PPFIBP1: variants seen among roughly 807,000 people sequenced by gnomAD.
PPFIBP1 encodes liprin-beta-1.
A neutral mutation model predicts 137.8 loss-of-function variants in PPFIBP1; 112 were observed. The ratio of observed to expected loss-of-function variants is 0.81; its 90% CI spans 0.70 to 0.95. The LOEUF (loss-of-function observed/expected upper bound fraction) is 0.95, where lower values mean the gene tolerates loss of function less well. PPFIBP1 is among the 40% of genes least tolerant of loss of function. PPFIBP1 has a pLI of 0.00. For missense variants in PPFIBP1, 1,083 were observed against 1,196.6 expected, an observed-to-expected ratio of 0.91 and a Z score of 1.40; for synonymous variants, 378 against 417.3, an observed-to-expected ratio of 0.91 and a Z score of 1.15.
chr12:27,664,727 G>A (rs1204455903), intron 12 of PPFIBP1, among the ~76,000 whole-genome samples: 1 of 152,164 alleles, frequency 6.6e-6, no homozygotes, highest in Non-Finnish European at 1.5e-5. Flanking sequence ...AGCCTAGGGG[G>A]AAAAGAATAT....
chr12:27,626,052 G>T (rs908957286), intron 2 of PPFIBP1, among the ~76,000 whole-genome samples: 1 of 151,990 alleles, frequency 6.6e-6, no homozygotes, highest in Admixed American at 6.6e-5. Flanking sequence ...TTCTGGTTTC[G>T]CCACCTCCCC....
At position 27,671,531 on chromosome 12, in the gene PPFIBP1, C is replaced by A; in HGVS notation, c.1247C>A (p.Thr416Asn). 2 of 1,573,898 alleles carry A rather than the reference C, an allele frequency of 1.3e-6. No individual in the cohort carries two copies. The highest frequency in any genetic ancestry group is 8.6e-7 in the Non-Finnish European group (1 of 1,159,686). The change falls in exon 14 of 30, where the codon ACT (threonine) becomes AAT (asparagine). Residue 416 changes from threonine (T) to asparagine (N), a missense_variant. By Grantham distance (65) the Thr-to-Asn change is moderately conservative. Coordinates refer to ENST00000228425, the MANE Select transcript of PPFIBP1 (RefSeq NM_003622.4). Reference sequence around the variant, plus strand: ...TCAAAGTTGACTCCTAAGCCAGAGACTTCATTTGAAGAAAAGTATGTCATT... The same window carrying A: ...TCAAAGTTGACTCCTAAGCCAGAGAATTCATTTGAAGAAAAGTATGTCATT... ...EKSKLTPKPE[T>N]SFEENDGNII...
intron 1 of PPFIBP1, among the ~76,000 whole-genome samples, chr12:27,573,063 G>A (rs2050269580): frequency 6.6e-6 from 1 of 152,160 alleles, no homozygotes; most frequent in Admixed American, 6.6e-5. Context: ...TGGGCTCCAT[G>A]TAACTAACAC....
chr12:27,607,804 T>C (rs975614892), intron 2 of PPFIBP1, among the ~76,000 whole-genome samples: 28 of 151,912 alleles, frequency 1.8e-4, no homozygotes, highest in African/African-American at 5.6e-4. Context: ...TCCTCCCCGC[T>C]TTTTTTTCCT....
At chr12:27,674,363 A>G (rs991252550) in intron 17 of PPFIBP1, 142 bp downstream of exon 17, 3 of 570,916 alleles carry the variant, frequency 5.3e-6, no homozygotes, top group Middle Eastern at 3.6e-4. Context: ...TTCACATATT[A>G]TATGATTCCG....
intron 1 of PPFIBP1, among the ~76,000 whole-genome samples, chr12:27,536,942 C>T (rs1945087558): frequency 6.6e-6 from 1 of 152,120 alleles, no homozygotes; most frequent in Non-Finnish European, 1.5e-5. Context: ...TTAAAGTTTG[C>T]AATGTAACAG....
rs2049939572 is a variant in PPFIBP1, at chr12:27,569,232, A to G, written c.-123-8920A>G. Among the ~76,000 whole-genome samples the G allele has an allele frequency of 1.3e-5, 2 of 152,220 alleles. 1 individual carries two copies. Among genetic ancestry groups the G allele is most frequent in the Non-Finnish European group, 2.9e-5 (2 of 68,044 alleles). ...GGCTCTGAACCTTTTTCATCAGGGTACTGCTGTCATCAAACTTGTGAGCAT... is the reference window on the plus strand; with the variant it reads ...GGCTCTGAACCTTTTTCATCAGGGTGCTGCTGTCATCAAACTTGTGAGCAT... On this transcript the variant is annotated intron_variant, in intron 1 of 29. Transcript: ENST00000228425.
chr12:27,597,634 G>A (rs1421356243), intron 2 of PPFIBP1, among the ~76,000 whole-genome samples: 4 of 152,056 alleles, frequency 2.6e-5, no homozygotes, highest in Non-Finnish European at 5.9e-5. Context: ...GAGAAACTAT[G>A]TTTTGTCATT....
chr12:27,544,982 C>A (rs529968674), intron 1 of PPFIBP1, among the ~76,000 whole-genome samples: 1 of 152,288 alleles, frequency 6.6e-6, no homozygotes, highest in East Asian at 1.9e-4. Context: ...TTGGAACCAA[C>A]CCAAATGCCC....
chr12:27,660,572 T>C (rs1040086383), intron 10 of PPFIBP1, among the ~76,000 whole-genome samples: 1 of 152,256 alleles, frequency 6.6e-6, no homozygotes, highest in Non-Finnish European at 1.5e-5. Flanking sequence ...ATGTTTTTAT[T>C]ACTATAGCAC....
intron 1 of PPFIBP1, among the ~76,000 whole-genome samples, chr12:27,552,003 C>A (rs1733829187): frequency 6.6e-6 from 1 of 152,118 alleles, no homozygotes; most frequent in Admixed American, 6.5e-5. Flanking sequence ...AACATCTGAC[C>A]CCTAGTTTCC....
chr12:27,656,969 C>G (rs2059239949), intron 9 of PPFIBP1: 2 of 356,058 alleles, frequency 5.6e-6, no homozygotes, highest in Non-Finnish European at 1.0e-5. Context: ...TTTAAGATTG[C>G]TAGACTGTAA....
At chr12:27,550,291 G>T (rs1946632643) in intron 1 of PPFIBP1, among the ~76,000 whole-genome samples, 1 of 152,172 alleles carries the variant, frequency 6.6e-6, no homozygotes, top group African/African-American at 2.4e-5. Flanking sequence ...CCCATACATT[G>T]TCCCTATGGA....
intron 5 of PPFIBP1, 83 bp from the exon 6 acceptor site, chr12:27,647,646 T>TC: frequency 2.4e-6 from 2 of 842,244 alleles, no homozygotes. Flanking sequence ...ATCATTCCTT[T>TC]TTTTGTTCCA....
intron 9 of PPFIBP1, among the ~76,000 whole-genome samples, chr12:27,658,192 A>C (rs1456303525): frequency 6.6e-6 from 1 of 151,914 alleles, no homozygotes; most frequent in Non-Finnish European, 1.5e-5. Context: ...GTGGGCTAGA[A>C]GATATTAGAG....
chr12:27,573,705 G>A (rs560242769), intron 1 of PPFIBP1, among the ~76,000 whole-genome samples: 8 of 152,302 alleles, frequency 5.3e-5, no homozygotes, highest in Admixed American at 3.9e-4. Context: ...AAAAGCCGGC[G>A]GGTGCAGTGG....
intron 2 of PPFIBP1, among the ~76,000 whole-genome samples, chr12:27,585,622 G>T (rs773052753): frequency 1.3e-5 from 2 of 152,216 alleles, no homozygotes; most frequent in Non-Finnish European, 2.9e-5. Flanking sequence ...GGGAGGGAAA[G>T]ACATAAGTGC....
At chr12:27,553,919 G>T (rs1227561548) in intron 1 of PPFIBP1, among the ~76,000 whole-genome samples, 1 of 152,204 alleles carries the variant, frequency 6.6e-6, no homozygotes, top group Non-Finnish European at 1.5e-5. Context: ...ACTGATTAAA[G>T]AAGCAGTTTA....
intron 1 of PPFIBP1, among the ~76,000 whole-genome samples, chr12:27,561,013 A>G (rs886594277): frequency 2.6e-5 from 4 of 152,210 alleles, no homozygotes; most frequent in Non-Finnish European, 4.4e-5. Context: ...CTAAGAATTA[A>G]AACAACAAAA....
Sources: allele counts gnomAD v4.1 joint callset (sites outside exome capture counted in the v4.1 genomes callset), GRCh38; gene constraint gnomAD v4.1.1; transcripts MANE v1.5; gene names NCBI Gene and HGNC (gene_info 2026-07-23, HGNC 2026-07-21).